The following LUZP2 variants were observed in gnomAD, a reference collection of about 807,000 sequenced individuals.
The protein encoded by LUZP2 is leucine zipper protein 2.
A neutral mutation model predicts 51.6 loss-of-function variants in LUZP2; 52 were observed. The observed-to-expected ratio is 1.01, with a 90% CI of 0.81 to 1.27. The LOEUF (loss-of-function observed/expected upper bound fraction) is 1.27, where lower values mean the gene tolerates loss of function less well. Among genes scored for constraint, LUZP2 ranks in the 50% most tolerant of loss-of-function variants. The pLI is 0.00. For missense variants in LUZP2, 436 were observed against 395.4 expected (o/e 1.10, Z -0.87); for synonymous variants, 154 against 137.3 (o/e 1.12, Z -0.85).
intron 1 of LUZP2, among the ~76,000 whole-genome samples, chr11:24,620,472 C>T (rs1053028293): frequency 1.3e-5 from 2 of 152,098 alleles, no homozygotes; most frequent in Admixed American, 6.6e-5. Flanking sequence ...GTAATATTTG[C>T]ACCTGAGGAA....
chr11:24,882,627 G>T (rs961231014), intron 5 of LUZP2, among the ~76,000 whole-genome samples: 6 of 151,652 alleles, frequency 4.0e-5, no homozygotes, highest in African/African-American at 1.5e-4. Context: ...CTTAACCTTC[G>T]GTAAGTTTCG....
At chr11:25,011,662 T>C (rs373977802) in intron 9 of LUZP2, among the ~76,000 whole-genome samples, 4 of 152,154 alleles carry the variant, frequency 2.6e-5, no homozygotes, top group Non-Finnish European at 4.4e-5. Flanking sequence ...ATTTAAGTAA[T>C]TGAAGACACA....
intron 1 of LUZP2, among the ~76,000 whole-genome samples, chr11:24,623,024 C>T (rs1220311979): frequency 6.6e-6 from 1 of 151,970 alleles, no homozygotes; most frequent in African/African-American, 2.4e-5. Context: ...CCATTCCGCC[C>T]CGATGGTATG....
intron 1 of LUZP2, among the ~76,000 whole-genome samples, chr11:24,564,667 T>C (rs1385325080): frequency 1.3e-5 from 2 of 152,166 alleles, no homozygotes; most frequent in African/African-American, 4.8e-5. Context: ...CTACTGTTGA[T>C]AAAGTGTTTG....
chr11:24,919,585 G>T (rs1394707921), intron 7 of LUZP2, among the ~76,000 whole-genome samples: 1 of 143,682 alleles, frequency 7.0e-6, no homozygotes, highest in Non-Finnish European at 1.5e-5. Flanking sequence ...TAAATACACA[G>T]GATAGCTTTT....
At chr11:25,008,776 C>G (rs192289986) in intron 9 of LUZP2, among the ~76,000 whole-genome samples, 1 of 152,088 alleles carries the variant, frequency 6.6e-6, no homozygotes, top group African/African-American at 2.4e-5. Context: ...TGAGAGGGGT[C>G]CCAGAAGCAG....
intron 1 of LUZP2, among the ~76,000 whole-genome samples, chr11:24,726,995 T>C (rs1858505769): frequency 6.6e-6 from 1 of 152,128 alleles, no homozygotes; most frequent in Admixed American, 6.6e-5. Context: ...TGCCAACATT[T>C]TCCTGATAAC....
intron 7 of LUZP2, among the ~76,000 whole-genome samples, chr11:24,937,386 G>C (rs2133843611): frequency 6.6e-6 from 1 of 152,156 alleles, no homozygotes; most frequent in East Asian, 1.9e-4. Context: ...ATCAGCTCCT[G>C]TCAGTAAAAT....
chr11:24,627,330 T>G (rs926940803), intron 1 of LUZP2, among the ~76,000 whole-genome samples: 1 of 152,050 alleles, frequency 6.6e-6, no homozygotes, highest in African/African-American at 2.4e-5. Flanking sequence ...AAGAGAAGGT[T>G]TTTCAGCTAT....
intron 9 of LUZP2, among the ~76,000 whole-genome samples, chr11:25,035,579 G>C (rs578100625): frequency 6.6e-6 from 1 of 151,990 alleles, no homozygotes; most frequent in Non-Finnish European, 1.5e-5. Flanking sequence ...TCATTGTTTA[G>C]AAGAATCAAT....
At chr11:24,971,466 G>C (rs1259223953) in intron 7 of LUZP2, among the ~76,000 whole-genome samples, 1 of 151,998 alleles carries the variant, frequency 6.6e-6, no homozygotes, top group Admixed American at 6.6e-5. Flanking sequence ...TGTGGCATAG[G>C]GGCTGGGGAC....
At position 24,772,190 on chromosome 11, in the gene LUZP2, A is replaced by G. The variant is rs539713432; in HGVS notation, c.396+8882A>G. ...GAAGAAGTCCTTGACTAAAATAAAA[A>G]AAACAATAAAGGTCAATAACCAATG... On this transcript the variant is annotated intron_variant, in intron 5 of 11. Transcript: ENST00000336930. Among the ~76,000 whole-genome samples, 61 of 152,338 alleles carry G rather than the reference A, an allele frequency of 4.0e-4. 5 individuals carry two copies. In the South Asian group the frequency reaches 0.012, roughly 30 times the overall value.
chr11:25,003,403 T>C (rs1037029126), intron 9 of LUZP2, among the ~76,000 whole-genome samples: 2 of 152,044 alleles, frequency 1.3e-5, no homozygotes, highest in Admixed American at 6.6e-5. Context: ...ATCCTTGAGG[T>C]CCAGAACTGT....
intron 4 of LUZP2, among the ~76,000 whole-genome samples, chr11:24,743,766 T>C (rs548194581): frequency 6.6e-6 from 1 of 152,214 alleles, no homozygotes; most frequent in East Asian, 1.9e-4. Context: ...TTTGTCTTGT[T>C]CCAGTTCTCA....
intron 5 of LUZP2, among the ~76,000 whole-genome samples, chr11:24,869,307 A>G (rs1167888699): frequency 6.6e-6 from 1 of 152,126 alleles, no homozygotes; most frequent in Non-Finnish European, 1.5e-5. Context: ...TGAGCTTCAC[A>G]GATACTGCAT....
At chr11:24,880,515 A>C (rs1047339714) in intron 5 of LUZP2, among the ~76,000 whole-genome samples, 2 of 152,152 alleles carry the variant, frequency 1.3e-5, no homozygotes, top group African/African-American at 4.8e-5. Flanking sequence ...CTGTTTGGCT[A>C]TCTTGCTCTG....
At chr11:25,076,158 A>T (rs1859290554) in intron 10 of LUZP2, among the ~76,000 whole-genome samples, 1 of 152,088 alleles carries the variant, frequency 6.6e-6, no homozygotes, top group African/African-American at 2.4e-5. Context: ...AGCTGGGACC[A>T]CAGGCATGTG....
intron 5 of LUZP2, among the ~76,000 whole-genome samples, chr11:24,765,922 G>T (rs753407108): frequency 6.6e-6 from 1 of 151,782 alleles, no homozygotes; most frequent in Non-Finnish European, 1.5e-5. Flanking sequence ...TACCGCACCC[G>T]GCCAATTTTT....
intron 8 of LUZP2, among the ~76,000 whole-genome samples, chr11:24,981,086 C>A (rs1015216248): frequency 6.6e-6 from 1 of 151,802 alleles, no homozygotes; most frequent in Non-Finnish European, 1.5e-5. Flanking sequence ...CAGTAGCCTG[C>A]AGTTGAAAAC....
Sources: gnomAD v4.1 joint callset for allele counts (sites outside exome capture counted in the v4.1 genomes callset) on GRCh38, gnomAD v4.1.1 for gene constraint, MANE v1.5 for transcripts, NCBI Gene and HGNC (gene_info 2026-07-23, HGNC 2026-07-21) for gene names.